The following CDK13 variants were observed in gnomAD, a reference collection of about 807,000 sequenced individuals.
CDK13 encodes cyclin-dependent kinase 13.
A neutral mutation model predicts 137.6 loss-of-function variants in CDK13; 40 were observed. The observed-to-expected ratio is 0.29, with a 90% CI of 0.23 to 0.38. CDK13 has a LOEUF of 0.38. Among genes scored for constraint, CDK13 ranks in the 10% least tolerant of loss-of-function variants. The pLI is 1.00. For synonymous variants in CDK13, 869 were observed against 760.1 expected, an observed-to-expected ratio of 1.14 and a Z score of -2.36; for missense variants, 1,704 against 1,951.8, an observed-to-expected ratio of 0.87 and a Z score of 2.39.
intron 5 of CDK13, among the ~76,000 whole-genome samples, chr7:40,015,949 G>C (rs886890921): frequency 6.6e-6 from 1 of 152,178 alleles, no homozygotes; most frequent in African/African-American, 2.4e-5. Context: ...GAAATGCAAA[G>C]AGCAGATGCC....
intron 5 of CDK13, among the ~76,000 whole-genome samples, chr7:40,024,645 G>GTTTTTTTTTTTTTTTTTTTTT (rs58010602): frequency 2.0e-5 from 1 of 50,264 alleles, no homozygotes; most frequent in African/African-American, 8.4e-5. Context: ...GTAGCTCTGT[G>GTTTTTTTTTTTTTTTTTTTTT]TTTTTTTTTT....
intron 5 of CDK13, 145 bp from the exon 6 acceptor site, chr7:40,045,691 A>G: frequency 1.8e-6 from 1 of 546,976 alleles, no homozygotes; most frequent in Non-Finnish European, 3.2e-6. Context: ...TCCAGAGAGA[A>G]AGATGAATGT....
At position 39,950,683 on chromosome 7, in the gene CDK13, C is replaced by A. The variant is rs1017286780; in HGVS notation, c.42C>A (p.Gly14=). ...SSDTALGGGG[G]LSWAEKKLEE... ...ACACGGCGCTGGGGGGAGGCGGGGGCCTGAGCTGGGCGGAGAAGAAGTTGG... is the reference window on the plus strand; with the variant it reads ...ACACGGCGCTGGGGGGAGGCGGGGGACTGAGCTGGGCGGAGAAGAAGTTGG... Residue 14 remains glycine, a synonymous_variant, in exon 1 of 14, where the codon GGC becomes GGA. Coordinates refer to ENST00000181839, the MANE Select transcript of CDK13 (RefSeq NM_003718.5). The A allele has an allele frequency of 1.4e-6, 2 of 1,414,128 alleles. No individual in the cohort carries two copies. The highest frequency in any genetic ancestry group is 1.8e-6 in the Non-Finnish European group (2 of 1,089,236). 87.6% of individuals were successfully genotyped at this position (1,414,128 alleles called of 1,614,324 possible).
chr7:39,976,323 T>TCTCTCTCTCTCTCACACACACA lies in CDK13; in HGVS notation c.1212-11275_1212-11274insTCTCTCTCTCTCACACACACAC. The stretch of plus-strand genomic sequence containing the variant: ...CTCTCTCTCTCTCTCTCTCTCTCTC[T>TCTCTCTCTCTCTCACACACACA]CACACACACACACACACACACACAC... On this transcript the variant is annotated intron_variant, in intron 1 of 13. Transcript: ENST00000181839. Among the ~76,000 whole-genome samples, 67 of 39,568 alleles carry TCTCTCTCTCTCTCACACACACA rather than the reference T, an allele frequency of 1.7e-3. 1 individual carries two copies. Among genetic ancestry groups the TCTCTCTCTCTCTCACACACACA allele is most frequent in the Non-Finnish European group, 2.6e-3 (44 of 17,106 alleles). The allele number at this position is 39,568 out of a possible 152,430, so 26.0% of individuals were successfully genotyped here. A position where few individuals can be genotyped will look rare whatever the true frequency, so the allele number is the denominator to read the frequency against.
At chr7:40,057,911 ATTG>A (rs1786056196) in intron 7 of CDK13, among the ~76,000 whole-genome samples, 2 of 152,076 alleles carry the variant, frequency 1.3e-5, no homozygotes, top group African/African-American at 2.4e-5. Context: ...GATTGTGTTT[ATTG>A]TTATGTAGTT....
chr7:40,000,849 C>T (rs1056027036), intron 4 of CDK13, among the ~76,000 whole-genome samples: 1 of 151,956 alleles, frequency 6.6e-6, no homozygotes, highest in African/African-American at 2.4e-5. Flanking sequence ...GTGGAATGAA[C>T]AAACCTTTAT....
chr7:39,983,685 T>A (rs1313668491), intron 1 of CDK13, among the ~76,000 whole-genome samples: 1 of 152,176 alleles, frequency 6.6e-6, no homozygotes, highest in African/African-American at 2.4e-5. Flanking sequence ...TGCTTACCTT[T>A]CTGCTACTCA....
chr7:40,015,055 A>C (rs1177725148), intron 5 of CDK13, among the ~76,000 whole-genome samples: 2 of 152,226 alleles, frequency 1.3e-5, no homozygotes, highest in Non-Finnish European at 2.9e-5. Flanking sequence ...TGATAGAGGA[A>C]TGTGTTTTAG....
chr7:40,099,264 A>T lies in CDK13; in HGVS notation c.*4284A>T, dbSNP rs1483575177. On this transcript the variant is annotated 3_prime_UTR_variant, in exon 14 of 14. Transcript: ENST00000181839. ...GGGAAAATAGAAAATTTTTATTGTA[A>T]AGGGAAGAACTTATCCTTTTAATTT... 1 of 152,172 alleles carries T rather than the reference A, an allele frequency of 6.6e-6. No individual in the cohort carries two copies. Among genetic ancestry groups the T allele is most frequent in the Non-Finnish European group, 1.5e-5 (1 of 68,008 alleles). The allele number at this position is 152,172 out of a possible 1,614,324, so 9.4% of individuals were successfully genotyped here.
At position 39,951,342 on chromosome 7, in the gene CDK13, G is replaced by A; in HGVS notation, c.701G>A (p.Arg234His). The part of the protein sequence containing the change: ...GGSEASKSRS[R>H]HSHSGEERAE... ...AGCGAGGCCTCCAAGTCCCGCAGCC[G>A]CCACAGCCACAGCGGCGAGGAACGG... Residue 234 changes from arginine to histidine, a missense_variant, in exon 1 of 14, where the codon CGC becomes CAC. By Grantham distance (29) the Arg-to-His change is conservative (BLOSUM62 0). This residue lies in a region of CDK13 where 1,051 missense variants were observed against 931.0 expected (regional missense o/e 1.13). Coordinates refer to ENST00000181839, the MANE Select transcript of CDK13 (RefSeq NM_003718.5). The A allele has an allele frequency of 6.8e-7, 1 of 1,466,656 alleles. No homozygotes were observed. The highest frequency in any genetic ancestry group is 1.3e-5 in the South Asian group (1 of 75,508). 90.9% of individuals were successfully genotyped at this position (1,466,656 alleles called of 1,614,324 possible).
At chr7:40,092,643 C>G (rs919528775) in intron 12 of CDK13, 142 bp from the exon 13 acceptor site, 2 of 626,378 alleles carry the variant, frequency 3.2e-6, no homozygotes, top group Non-Finnish European at 2.8e-6. Flanking sequence ...TTTAACTAGA[C>G]TTGAGGTTCT....
At chr7:40,038,983 C>A (rs1478035227) in intron 5 of CDK13, among the ~76,000 whole-genome samples, 1 of 152,228 alleles carries the variant, frequency 6.6e-6, no homozygotes, top group Non-Finnish European at 1.5e-5. Context: ...GCGTGAGCCA[C>A]TGTGCCTGGC....
At chr7:39,962,055 G>C (rs1030823575) in intron 1 of CDK13, among the ~76,000 whole-genome samples, 4 of 152,162 alleles carry the variant, frequency 2.6e-5, no homozygotes, top group Admixed American at 2.0e-4. Flanking sequence ...ATTTGGGTTG[G>C]TTCCAAGTCT....
chr7:40,060,372 G>A (rs1369931036), intron 7 of CDK13, among the ~76,000 whole-genome samples: 3 of 152,136 alleles, frequency 2.0e-5, no homozygotes, highest in East Asian at 3.8e-4. Context: ...TAGTTATCCA[G>A]TTGCACTTTT....
At chr7:40,000,508 A>G (rs955509436) in intron 4 of CDK13, among the ~76,000 whole-genome samples, 1 of 152,188 alleles carries the variant, frequency 6.6e-6, no homozygotes, top group Non-Finnish European at 1.5e-5. Context: ...GGACCACTGC[A>G]CTCCAGTCAG....
chr7:40,077,513 C>T (rs1157445315), intron 9 of CDK13, among the ~76,000 whole-genome samples: 1 of 152,056 alleles, frequency 6.6e-6, no homozygotes, highest in African/African-American at 2.4e-5. Flanking sequence ...TAAAAGTATC[C>T]ACTGAAAATA....
intron 1 of CDK13, among the ~76,000 whole-genome samples, chr7:39,968,150 T>C (rs574674294): frequency 5.3e-5 from 8 of 152,256 alleles, no homozygotes; most frequent in African/African-American, 9.6e-5. Context: ...TTATCAGATA[T>C]GTGGTTTGTA....
chr7:40,015,760 A>T (rs773412), intron 5 of CDK13, among the ~76,000 whole-genome samples: 76,504 of 151,490 alleles, frequency 0.51, 20,213 homozygotes, highest in East Asian at 0.66. Flanking sequence ...TAAAAAAAAA[A>T]TTTTTTTCTG....
At chr7:39,982,957 G>A (rs1217577754) in intron 1 of CDK13, among the ~76,000 whole-genome samples, 1 of 152,112 alleles carries the variant, frequency 6.6e-6, no homozygotes, top group Non-Finnish European at 1.5e-5. Context: ...TTTCTCCCAT[G>A]TTGTAGGTTG....
Sources: allele counts gnomAD v4.1 joint callset (sites outside exome capture counted in the v4.1 genomes callset), GRCh38; gene constraint gnomAD v4.1.1; regional missense constraint gnomAD v4.1.1; transcripts MANE v1.5; gene names NCBI Gene and HGNC (gene_info 2026-07-23, HGNC 2026-07-21).